Variants in GSE1 observed in about 807,000 individuals in gnomAD.
GSE1 encodes the protein Gse1 coiled-coil protein.
Under a neutral mutation model 112.6 loss-of-function variants are expected in GSE1, and 32 were observed. That is an observed-to-expected ratio of 0.28 (90% CI 0.21 to 0.38). The LOEUF (loss-of-function observed/expected upper bound fraction) is 0.38, where lower values mean the gene tolerates loss of function less well. Ranked by LOEUF, GSE1 falls within the 10% of genes least tolerant of loss-of-function variation. GSE1 has a pLI of 1.00. For synonymous variants in GSE1, 1,115 were observed against 735.6 expected (o/e 1.52, Z -8.35); for missense variants, 2,348 against 1,699.2 (o/e 1.38, Z -6.71).
At chr16:85,257,030 GGA>G (rs149890312) in intron 1 of GSE1, among the ~76,000 whole-genome samples, 14,260 of 152,082 alleles carry the variant, frequency 0.094, 708 homozygotes, top group Middle Eastern at 0.17. Context: ...CTTTGGGTGG[GGA>G]GGACATGGGA....
rs117656084 is a variant in GSE1 at position 85,602,243 on chromosome 16, G to A, written c.37+45880G>A. On this transcript the variant is annotated intron_variant, in intron 1 of 2. Transcript: ENST00000635906. ...CAGGGGGTTGCCTGGAGGCCGAGGC[G>A]GGGGCCAGGCAGGGAGGAGGCGGGG... 9.2e-3 allele frequency among the ~76,000 whole-genome samples: 1,406 copies of A among 152,312 alleles called. 14 individuals carry two copies. Among genetic ancestry groups the A allele is most frequent in the Non-Finnish European group, 0.013 (885 of 68,020 alleles).
chr16:85,412,960 G>T (rs372894894), intron 2 of GSE1, among the ~76,000 whole-genome samples: 1 of 152,290 alleles, frequency 6.6e-6, no homozygotes, highest in East Asian at 1.9e-4. Flanking sequence ...TGAAGCCATC[G>T]GCCCGGGTGC....
At chr16:85,543,376 T>G (rs1047736839) in intron 2 of GSE1, among the ~76,000 whole-genome samples, 2 of 152,204 alleles carry the variant, frequency 1.3e-5, no homozygotes, top group African/African-American at 4.8e-5. Flanking sequence ...ATAGTAGATA[T>G]TTCTTTTCAG....
At chr16:85,504,863 A>G (rs2051486075) in intron 2 of GSE1, among the ~76,000 whole-genome samples, 1 of 152,146 alleles carries the variant, frequency 6.6e-6, no homozygotes, top group South Asian at 2.1e-4. Flanking sequence ...CTGCCCCTCT[A>G]TGTGAGCATT....
At position 85,675,599 on chromosome 16, in the gene GSE1, A is replaced by T. The variant is rs1264343882; in HGVS notation, c.*3060A>T. On this transcript the variant is annotated 3_prime_UTR_variant, in exon 16 of 16. Transcript: ENST00000253458. ...AGCAGTGAAGGATTCTAACACAGGG[A>T]ATCTGCAGTTTGTAGCAGAATGGTA... 1 of 152,218 alleles carries T rather than the reference A, an allele frequency of 6.6e-6. No homozygotes were observed. The highest frequency in any genetic ancestry group is 2.4e-5 in the African/African-American group (1 of 41,452). The allele number at this position is 152,218 out of a possible 1,614,324, so 9.4% of individuals were successfully genotyped here. A position where few individuals can be genotyped will look rare whatever the true frequency, so the allele number is the denominator to read the frequency against.
chr16:85,225,864 C>G (rs566886439), intron 1 of GSE1, among the ~76,000 whole-genome samples: 2 of 152,328 alleles, frequency 1.3e-5, no homozygotes, highest in East Asian at 3.9e-4. Context: ...TAGCTGGCTG[C>G]TCCCACACAA....
intron 2 of GSE1, among the ~76,000 whole-genome samples, chr16:85,428,486 C>T (rs1490431625): frequency 6.6e-6 from 1 of 152,240 alleles, no homozygotes; most frequent in Admixed American, 6.5e-5. Flanking sequence ...CGATAATCGC[C>T]CCTGCCTCAC....
intron 2 of GSE1, among the ~76,000 whole-genome samples, chr16:85,380,314 G>A (rs1196790859): frequency 1.3e-5 from 2 of 152,196 alleles, no homozygotes; most frequent in Non-Finnish European, 2.9e-5. Flanking sequence ...CTTCTTGGAG[G>A]CAGAGGGAGA....
rs1208789559 is a variant in GSE1, at chr16:85,331,667, G to A, written c.2284-25796G>A. Among the ~76,000 whole-genome samples the A allele has an allele frequency of 1.7e-3, 61 of 35,918 alleles. 2 individuals are homozygous for A. Among genetic ancestry groups the A allele is most frequent in the South Asian group, 4.8e-3 (4 of 840 alleles). 23.6% of individuals were successfully genotyped at this position (35,918 alleles called of 152,430 possible). On this transcript the variant is annotated intron_variant, in intron 1 of 2. Transcript: ENST00000637419. ...TGTATATATATATGTGTATATGTGT[G>A]TGTGTGTGTGTGTGTGTGTATATAT...
intron 2 of GSE1, among the ~76,000 whole-genome samples, chr16:85,478,884 TTTCTTTCTTTCTTTCTTTC>T (rs2050559490): frequency 1.5e-5 from 1 of 65,262 alleles, no homozygotes; most frequent in Non-Finnish European, 2.6e-5. Context: ...TCTTTCTTTC[TTTCTTTCTTTCTTTCTTTC>T]TTTCTTTCTT....
chr16:85,175,235 C>T (rs1476243354), intron 1 of GSE1, among the ~76,000 whole-genome samples: 1 of 152,182 alleles, frequency 6.6e-6, no homozygotes, highest in South Asian at 2.1e-4. Flanking sequence ...CCAGAGAGCA[C>T]CATGCTCTGC....
At position 85,675,944 on chromosome 16, in the gene GSE1, G is replaced by A. The variant is rs773079140; in HGVS notation, c.*3405G>A. On this transcript the variant is annotated 3_prime_UTR_variant, in exon 16 of 16. Transcript: ENST00000253458. The stretch of plus-strand genomic sequence containing the variant: ...TCTGCCTTGACCTGAGGAAGACCAT[G>A]CTAACTGGTGTTATTTTGTATGTAC... The A allele has an allele frequency of 3.9e-5, 6 of 152,612 alleles. No individual in the cohort carries two copies. The highest frequency in any genetic ancestry group is 7.3e-5 in the Non-Finnish European group (5 of 68,042). The allele number at this position is 152,612 out of a possible 1,614,324, so 9.5% of individuals were successfully genotyped here.
intron 9 of GSE1, 126 bp from the exon 10 acceptor site, chr16:85,662,855 T>G: frequency 1.5e-6 from 1 of 672,314 alleles, no homozygotes; most frequent in South Asian, 1.7e-5. Context: ...GGAACTGGCC[T>G]TCAGGGTGTT....
At chr16:85,542,653 T>A (rs2044562264) in intron 2 of GSE1, among the ~76,000 whole-genome samples, 1 of 152,238 alleles carries the variant, frequency 6.6e-6, no homozygotes, top group African/African-American at 2.4e-5. Context: ...CTGGCCTTGG[T>A]GCTGTGTTCA....
intron 1 of GSE1, among the ~76,000 whole-genome samples, chr16:85,338,393 G>A (rs1348988646): frequency 6.6e-6 from 1 of 152,224 alleles, no homozygotes; most frequent in Non-Finnish European, 1.5e-5. Flanking sequence ...GGCTGAGGAT[G>A]ACAGCGTATG....
At chr16:85,316,694 T>G (rs2045992740) in intron 1 of GSE1, among the ~76,000 whole-genome samples, 2 of 152,164 alleles carry the variant, frequency 1.3e-5, no homozygotes, top group Admixed American at 1.3e-4. Flanking sequence ...GCCAGTGGCC[T>G]CTGCAGTAGA....
intron 1 of GSE1, among the ~76,000 whole-genome samples, chr16:85,197,486 T>C (rs2074950052): frequency 6.6e-6 from 1 of 152,244 alleles, no homozygotes; most frequent in African/African-American, 2.4e-5. Context: ...CTTCTAGCTT[T>C]AAAATCCCAA....
At chr16:85,179,525 C>G (rs1381734721) in intron 1 of GSE1, among the ~76,000 whole-genome samples, 1 of 152,176 alleles carries the variant, frequency 6.6e-6, no homozygotes, top group Admixed American at 6.5e-5. Context: ...AGTAAGGTTG[C>G]TGCGTCCTAG....
At chr16:85,628,786 G>A (rs891015026) in intron 1 of GSE1, among the ~76,000 whole-genome samples, 18 of 152,294 alleles carry the variant, frequency 1.2e-4, no homozygotes, top group Middle Eastern at 3.4e-3. Context: ...AGCTCTTCTC[G>A]TTGCCATCTG....
Sources: allele counts gnomAD v4.1 joint callset (sites outside exome capture counted in the v4.1 genomes callset), GRCh38; gene constraint gnomAD v4.1.1; transcripts MANE v1.5; gene names NCBI Gene and HGNC (gene_info 2026-07-23, HGNC 2026-07-21).